GRIN2B: variants seen among roughly 807,000 people sequenced by gnomAD.
GRIN2B encodes glutamate receptor ionotropic, NMDA 2B.
A neutral mutation model predicts 114.5 loss-of-function variants in GRIN2B; 5 were observed. The observed-to-expected ratio is 0.04, with a 90% CI of 0.02 to 0.09. GRIN2B has a LOEUF of 0.09. Among genes scored for constraint, GRIN2B ranks in the 10% least tolerant of loss-of-function variants. The probability of loss-of-function intolerance (pLI) is 1.00; values close to 1 mark genes in which losing one functional copy is unlikely to be tolerated. For synonymous variants in GRIN2B, 787 were observed against 745.1 expected, an observed-to-expected ratio of 1.06 and a Z score of -0.92; for missense variants, 1,108 against 1,943.5, an observed-to-expected ratio of 0.57 and a Z score of 8.08.
chr12:13,603,245 A>G (rs797012399), intron 10 of GRIN2B, among the ~76,000 whole-genome samples: 13 of 152,360 alleles, frequency 8.5e-5, no homozygotes, highest in African/African-American at 3.1e-4. Context: ...TTACAATACT[A>G]TCTATCTAAT....
At chr12:13,868,886 GCTA>G (rs1865865379) in intron 2 of GRIN2B, among the ~76,000 whole-genome samples, 1 of 152,314 alleles carries the variant, frequency 6.6e-6, no homozygotes, top group African/African-American at 2.4e-5. Context: ...AGACAAAGAG[GCTA>G]CTTTGAATAC....
intron 3 of GRIN2B, among the ~76,000 whole-genome samples, chr12:13,855,455 G>A (rs1349914737): frequency 1.3e-5 from 2 of 152,072 alleles, no homozygotes; most frequent in Non-Finnish European, 2.9e-5. Flanking sequence ...AAGACTCGGG[G>A]GCTTAAAACA....
At chr12:13,643,073 T>C (rs952524726) in intron 5 of GRIN2B, among the ~76,000 whole-genome samples, 33 of 152,212 alleles carry the variant, frequency 2.2e-4, no homozygotes, top group Admixed American at 6.5e-4. Context: ...CAACTTAGTC[T>C]GTGAAGACGA....
At chr12:13,831,015 A>G (rs1418969498) in intron 3 of GRIN2B, among the ~76,000 whole-genome samples, 16 of 152,186 alleles carry the variant, frequency 1.1e-4, no homozygotes, top group Admixed American at 1.0e-3. Flanking sequence ...GCCCTCCTCA[A>G]GGCAATGAGT....
chr12:13,696,654 A>G (rs1950262217), intron 4 of GRIN2B, among the ~76,000 whole-genome samples: 1 of 152,180 alleles, frequency 6.6e-6, no homozygotes, highest in South Asian at 2.1e-4. Flanking sequence ...ATGAACTCAT[A>G]TGGACTTGGG....
At chr12:13,809,968 T>C (rs1282510010) in intron 3 of GRIN2B, among the ~76,000 whole-genome samples, 1 of 152,166 alleles carries the variant, frequency 6.6e-6, no homozygotes, top group Non-Finnish European at 1.5e-5. Context: ...AGTCAGGAGA[T>C]CTTCTTGCTC....
intron 2 of GRIN2B, among the ~76,000 whole-genome samples, chr12:13,967,183 A>C (rs181660425): frequency 6.6e-6 from 1 of 152,236 alleles, no homozygotes; most frequent in East Asian, 1.9e-4. Flanking sequence ...GCTAATGAGC[A>C]CATCAGAAGA....
At chr12:13,644,248 A>G (rs1565487019) in intron 5 of GRIN2B, among the ~76,000 whole-genome samples, 1 of 152,162 alleles carries the variant, frequency 6.6e-6, no homozygotes. Flanking sequence ...GCATGAAAAA[A>G]CATTAATGTC....
chr12:13,631,319 T>A (rs1395944238), intron 5 of GRIN2B, among the ~76,000 whole-genome samples: 2 of 152,178 alleles, frequency 1.3e-5, no homozygotes. Flanking sequence ...GCCCTGTCTG[T>A]GACTGCCCAT....
intron 4 of GRIN2B, among the ~76,000 whole-genome samples, chr12:13,723,378 TG>T (rs1862914462): frequency 1.3e-5 from 2 of 152,136 alleles, no homozygotes; most frequent in Admixed American, 6.6e-5. Context: ...AATGACCACT[TG>T]CTGTCAGCAA....
intron 2 of GRIN2B, among the ~76,000 whole-genome samples, chr12:13,888,482 C>T (rs1382552977): frequency 6.6e-6 from 1 of 151,536 alleles, no homozygotes; most frequent in African/African-American, 2.4e-5. Context: ...AACTGTAATC[C>T]CAGCACTTTG....
intron 2 of GRIN2B, among the ~76,000 whole-genome samples, chr12:13,890,594 A>G (rs929780312): frequency 1.3e-5 from 2 of 152,128 alleles, no homozygotes; most frequent in Non-Finnish European, 2.9e-5. Context: ...CATAGCTCAC[A>G]CTATTTTTAC....
intron 4 of GRIN2B, among the ~76,000 whole-genome samples, chr12:13,696,171 A>G (rs1368697406): frequency 1.3e-5 from 2 of 152,184 alleles, no homozygotes; most frequent in South Asian, 2.1e-4. Context: ...GCATTAATGA[A>G]GACCAAGAAG....
intron 3 of GRIN2B, among the ~76,000 whole-genome samples, chr12:13,795,436 A>G (rs113176999): frequency 1.3e-5 from 2 of 152,022 alleles, no homozygotes; most frequent in African/African-American, 2.4e-5. Flanking sequence ...CACTTTCACT[A>G]TGCTGCTTGG....
intron 3 of GRIN2B, among the ~76,000 whole-genome samples, chr12:13,859,362 A>G (rs1037215295): frequency 6.6e-6 from 1 of 152,216 alleles, no homozygotes; most frequent in East Asian, 1.9e-4. Flanking sequence ...CTGGGCTTCA[A>G]TTGTTACAAG....
chr12:13,632,902 G>A (rs964573630), intron 5 of GRIN2B, among the ~76,000 whole-genome samples: 2 of 152,182 alleles, frequency 1.3e-5, no homozygotes, highest in Admixed American at 6.5e-5. Context: ...CTAAGCAGGT[G>A]ATTCTAATGG....
At chr12:13,595,536 GT>G (rs1335895077) in intron 10 of GRIN2B, among the ~76,000 whole-genome samples, 1 of 152,180 alleles carries the variant, frequency 6.6e-6, no homozygotes, top group Non-Finnish European at 1.5e-5. Flanking sequence ...CAGGGGCCAA[GT>G]TGCACCAGGT....
chr12:13,737,360 T>C (rs1363212144), intron 4 of GRIN2B, among the ~76,000 whole-genome samples: 2 of 151,876 alleles, frequency 1.3e-5, no homozygotes, highest in African/African-American at 4.8e-5. Context: ...TACAGGCACC[T>C]GACACCACCC....
chr12:13,561,967 TGAAA>T lies in GRIN2B; in HGVS notation c.*812_*815del, dbSNP rs1392704663. On this transcript the variant is annotated 3_prime_UTR_variant, in exon 14 of 14. Coordinates refer to ENST00000609686, the MANE Select transcript of GRIN2B (RefSeq NM_000834.5). Reference sequence around the variant, plus strand: ...AAACAATCACACTGCTTGGGGATATTGAAAGAAACAATAGAAAGAGTCAAGGTTG... The same window carrying T: ...AAACAATCACACTGCTTGGGGATATTGAAACAATAGAAAGAGTCAAGGTTG... The T allele has an allele frequency of 6.6e-6, 1 of 152,658 alleles. No homozygotes were observed. Among genetic ancestry groups the T allele is most frequent in the Non-Finnish European group, 1.5e-5 (1 of 68,042 alleles). 9.5% of individuals were successfully genotyped at this position (152,658 alleles called of 1,614,324 possible).
Sources: gnomAD v4.1 joint callset for allele counts (sites outside exome capture counted in the v4.1 genomes callset) on GRCh38, gnomAD v4.1.1 for gene constraint, MANE v1.5 for transcripts, NCBI Gene and HGNC (gene_info 2026-07-23, HGNC 2026-07-21) for gene names.